The following FIG4 variants were observed in gnomAD, a reference collection of about 807,000 sequenced individuals.
FIG4 encodes polyphosphoinositide phosphatase.
FIG4 carries 112 observed loss-of-function variants against 118.6 expected under a neutral mutation model. That is an observed-to-expected ratio of 0.94 (90% CI 0.81 to 1.11). The LOEUF is 1.11. Among genes scored for constraint, FIG4 ranks in the 50% least tolerant of loss-of-function variants. The probability of loss-of-function intolerance (pLI) is 0.00; values close to 1 mark genes in which losing one functional copy is unlikely to be tolerated. For missense variants in FIG4, 969 were observed against 1,111.7 expected, an observed-to-expected ratio of 0.87 and a Z score of 1.83; for synonymous variants, 369 against 381.2, an observed-to-expected ratio of 0.97 and a Z score of 0.37.
intron 19 of FIG4, among the ~76,000 whole-genome samples, chr6:109,790,760 T>C (rs1168116686): frequency 6.6e-6 from 1 of 152,208 alleles, no homozygotes; most frequent in African/African-American, 2.4e-5. Context: ...TTACTACTCT[T>C]CCAATTTGGC....
chr6:109,717,089 G>A (rs1775456550), intron 3 of FIG4, among the ~76,000 whole-genome samples: 1 of 146,378 alleles, frequency 6.8e-6, no homozygotes, highest in African/African-American at 2.6e-5. Context: ...GTTTGAAATT[G>A]TGTTAGTAAG....
In FIG4 at chr6:109,786,323, A is replaced by G; in HGVS notation, c.1970A>G (p.Lys657Arg). 6.2e-7 allele frequency: 1 copy of G among 1,613,160 alleles called. No individual in the cohort carries two copies. Among genetic ancestry groups the G allele is most frequent in the Non-Finnish European group, 8.5e-7 (1 of 1,179,160 alleles). Residue 657 changes from lysine (K) to arginine (R), a missense_variant, in exon 18 of 23, where the codon AAG becomes AGG. Around this residue, in one of 3 missense-constraint regions of FIG4, gnomAD observed 330 missense variants for 348.1 expected, o/e 0.95. Coordinates refer to ENST00000230124, the MANE Select transcript of FIG4 (RefSeq NM_014845.6). ...TTAGTTATCTGTGCTGTGAACTTAA[A>G]GAAGTTGATAGTGAAGAAATTCCAC... ...YDEVICAVNL[K>R]KLIVKKFHKY...
intron 7 of FIG4, among the ~76,000 whole-genome samples, chr6:109,738,954 T>A (rs986201833): frequency 2.6e-5 from 4 of 152,030 alleles, no homozygotes; most frequent in Non-Finnish European, 4.4e-5. Context: ...GGAAGGAGAT[T>A]GGTATGTGGG....
rs946483111 is a variant in FIG4, at chr6:109,764,295, G to A, written c.1434+313G>A. 4.6e-5 allele frequency among the ~76,000 whole-genome samples: 7 copies of A among 152,050 alleles called. No individual in the cohort carries two copies. In the East Asian group the frequency reaches 1.4e-3, roughly 29 times the overall value. On this transcript the variant is annotated intron_variant, in intron 13 of 22. Coordinates refer to ENST00000230124, the MANE Select transcript of FIG4 (RefSeq NM_014845.6). ...CTACTAAAAATACAAAAAATTATCC[G>A]GGCTTGGTGGCATGCACCTCTAGTC... is the stretch of plus-strand genomic sequence containing the variant.
At chr6:109,792,286 T>G (rs558386100) in intron 20 of FIG4, among the ~76,000 whole-genome samples, 1 of 152,348 alleles carries the variant, frequency 6.6e-6, no homozygotes, top group Non-Finnish European at 1.5e-5. Flanking sequence ...CCCAAAAAAG[T>G]TTAAAATATT....
At chr6:109,797,437 G>A (rs1304861836) in intron 22 of FIG4, among the ~76,000 whole-genome samples, 3 of 152,146 alleles carry the variant, frequency 2.0e-5, no homozygotes, top group Non-Finnish European at 2.9e-5. Context: ...TACACAAAGT[G>A]CTTAGAGTAG....
At chr6:109,759,267 TA>T (rs1293654417) in intron 10 of FIG4, among the ~76,000 whole-genome samples, 3 of 152,066 alleles carry the variant, frequency 2.0e-5, no homozygotes, top group Non-Finnish European at 4.4e-5. Context: ...TATGCAGCCA[TA>T]AAAAAGGATG....
At chr6:109,720,457 A>G (rs1775572855) in intron 3 of FIG4, among the ~76,000 whole-genome samples, 1 of 152,214 alleles carries the variant, frequency 6.6e-6, no homozygotes, top group Admixed American at 6.5e-5. Context: ...GATTGTTGTC[A>G]TGGTTTATTT....
At chr6:109,758,759 C>T (rs1418528453) in intron 10 of FIG4, among the ~76,000 whole-genome samples, 4 of 151,888 alleles carry the variant, frequency 2.6e-5, no homozygotes, top group Non-Finnish European at 2.9e-5. Context: ...AACAAACTTA[C>T]AAGAAAATAC....
intron 4 of FIG4, among the ~76,000 whole-genome samples, chr6:109,728,643 A>G (rs544446103): frequency 6.6e-6 from 1 of 152,222 alleles, no homozygotes; most frequent in East Asian, 1.9e-4. Flanking sequence ...ATGATTTGGA[A>G]GGGGGTTATT....
At chr6:109,789,054 C>G (rs1010097289) in intron 18 of FIG4, among the ~76,000 whole-genome samples, 1 of 152,190 alleles carries the variant, frequency 6.6e-6, no homozygotes, top group African/African-American at 2.4e-5. Context: ...TATTTCAGTT[C>G]ATACCACTGT....
At chr6:109,782,452 A>G (rs1777833797) in intron 16 of FIG4, among the ~76,000 whole-genome samples, 1 of 152,212 alleles carries the variant, frequency 6.6e-6, no homozygotes, top group African/African-American at 2.4e-5. Flanking sequence ...CAATTTAGTA[A>G]TATTTTTAAA....
intron 10 of FIG4, among the ~76,000 whole-genome samples, chr6:109,757,838 A>G (rs1477277529): frequency 6.6e-6 from 1 of 152,250 alleles, no homozygotes; most frequent in Non-Finnish European, 1.5e-5. Flanking sequence ...GAGTCAAATC[A>G]TGAATGAACT....
intron 10 of FIG4, among the ~76,000 whole-genome samples, chr6:109,744,526 C>G (rs1200849005): frequency 6.6e-6 from 1 of 151,822 alleles, no homozygotes; most frequent in East Asian, 1.9e-4. Flanking sequence ...GTCCAACAAT[C>G]TAGTAGTGTC....
At chr6:109,767,871 C>T (rs116373634) in intron 15 of FIG4, among the ~76,000 whole-genome samples, 3,167 of 150,538 alleles carry the variant, frequency 0.021, 101 homozygotes, top group African/African-American at 0.074. Context: ...GACTCCATCT[C>T]GGAAAGAAAA....
At chr6:109,716,413 C>T in intron 2 of FIG4, 32 bp from the exon 3 acceptor site, 1 of 1,611,112 alleles carries the variant, frequency 6.2e-7, no homozygotes, top group Non-Finnish European at 8.5e-7. Flanking sequence ...AGTTTAAGCA[C>T]AACCTTACAG....
chr6:109,734,993 G>T (rs1462548956), intron 5 of FIG4, among the ~76,000 whole-genome samples, 157 bp from the exon 6 acceptor site: 4 of 152,096 alleles, frequency 2.6e-5, no homozygotes, highest in African/African-American at 9.7e-5. Context: ...TTTATATTTT[G>T]CTGTGTTTTA....
rs1406213877 is a variant in FIG4 at position 109,792,648 on chromosome 6, T to A, written c.2443T>A (p.Phe815Ile). The A allele has an allele frequency of 6.3e-7, 1 of 1,583,988 alleles. No homozygotes were observed. The highest frequency in any genetic ancestry group is 8.7e-7 in the Non-Finnish European group (1 of 1,152,838). The change falls in exon 21 of 23, where the codon TTC becomes ATC. Residue 815 changes from phenylalanine to isoleucine, a missense_variant. Coordinates refer to ENST00000230124, the MANE Select transcript of FIG4 (RefSeq NM_014845.6). ...NLSDGLSEED[F>I]SIYSRFVQLG... ...CTCAGATGGCCTCTCAGAAGAAGATTTCTCCATTTATTCAAGGTGAGATAC... is the reference window on the plus strand; with the variant it reads ...CTCAGATGGCCTCTCAGAAGAAGATATCTCCATTTATTCAAGGTGAGATAC...
chr6:109,718,084 A>T (rs1310288745), intron 3 of FIG4, among the ~76,000 whole-genome samples: 1 of 152,188 alleles, frequency 6.6e-6, no homozygotes, highest in East Asian at 1.9e-4. Flanking sequence ...CAGGAAACTT[A>T]CAATTATGGC....
Sources: allele counts gnomAD v4.1 joint callset (sites outside exome capture counted in the v4.1 genomes callset), GRCh38; gene constraint gnomAD v4.1.1; regional missense constraint gnomAD v4.1.1; transcripts MANE v1.5; gene names NCBI Gene and HGNC (gene_info 2026-07-23, HGNC 2026-07-21).